Variants in MMRN1 observed in about 807,000 individuals in gnomAD.
The protein encoded by MMRN1 is multimerin-1.
A neutral mutation model predicts 100.7 loss-of-function variants in MMRN1; 94 were observed. The ratio of observed to expected loss-of-function variants is 0.93; its 90% confidence interval spans 0.79 to 1.11. MMRN1 has a LOEUF of 1.11. MMRN1 is among the 50% of genes least tolerant of loss of function. The probability of loss-of-function intolerance (pLI) is 0.00; values close to 1 mark genes in which losing one functional copy is unlikely to be tolerated. For missense variants in MMRN1, 1,606 were observed against 1,439.1 expected, an observed-to-expected ratio of 1.12 and a Z score of -1.88; for synonymous variants, 575 against 505.0, an observed-to-expected ratio of 1.14 and a Z score of -1.86.
At chr4:89,918,589 T>C (rs1372167487) in intron 3 of MMRN1, among the ~76,000 whole-genome samples, 2 of 151,892 alleles carry the variant, frequency 1.3e-5, no homozygotes, top group African/African-American at 4.8e-5. Flanking sequence ...TCTTCTTTAT[T>C]TGATATATAG....
chr4:89,942,100 G>A (rs1237937440), intron 6 of MMRN1, among the ~76,000 whole-genome samples: 1 of 152,074 alleles, frequency 6.6e-6, no homozygotes, highest in Non-Finnish European at 1.5e-5. Context: ...GAACCAAAAT[G>A]TCTAACATTT....
chr4:89,950,388 C>T (rs78736778), intron 6 of MMRN1, among the ~76,000 whole-genome samples: 5 of 152,198 alleles, frequency 3.3e-5, no homozygotes, highest in Non-Finnish European at 7.4e-5. Flanking sequence ...AGTAAATTAA[C>T]CTTTTTAATA....
At chr4:89,923,827 G>T (rs957593987) in intron 4 of MMRN1, among the ~76,000 whole-genome samples, 1 of 152,138 alleles carries the variant, frequency 6.6e-6, no homozygotes, top group Non-Finnish European at 1.5e-5. Flanking sequence ...CAAACATAAG[G>T]TTGGTTACTG....
Position 89,954,315 on chromosome 4 carries a change from A to G in MMRN1, c.*897A>G, listed in dbSNP as rs1206536682. On this transcript the variant is annotated 3_prime_UTR_variant, in exon 8 of 8. Transcript: ENST00000264790. ...AGTGGGCATGATTACCATGATTTTTATAGTTGAAGAACCTAAGACACAGAG... is the reference window on the plus strand; with the variant it reads ...AGTGGGCATGATTACCATGATTTTTGTAGTTGAAGAACCTAAGACACAGAG... 6.6e-6 allele frequency: 1 copy of G among 152,122 alleles called. No individual in the cohort carries two copies. Among genetic ancestry groups the G allele is most frequent in the Non-Finnish European group, 1.5e-5 (1 of 68,030 alleles). 9.4% of individuals were successfully genotyped at this position (152,122 alleles called of 1,614,324 possible).
chr4:89,927,991 TATTC>T (rs753766677), intron 5 of MMRN1, 23 bp downstream of exon 5: 42 of 1,500,506 alleles, frequency 2.8e-5, no homozygotes, highest in Non-Finnish European at 3.5e-5. Context: ...TAAAATAAAA[TATTC>T]ATTCAGTAAC....
intron 1 of MMRN1, among the ~76,000 whole-genome samples, chr4:89,888,076 C>A (rs1255293446): frequency 6.6e-6 from 1 of 151,060 alleles, no homozygotes; most frequent in African/African-American, 2.5e-5. Flanking sequence ...CAATTATCTA[C>A]ATTTTTTAAT....
intron 6 of MMRN1, among the ~76,000 whole-genome samples, chr4:89,948,122 G>A (rs887933607): frequency 6.6e-6 from 1 of 152,184 alleles, no homozygotes; most frequent in African/African-American, 2.4e-5. Flanking sequence ...AAAGTGCTAG[G>A]ATTACAGGCG....
chr4:89,936,579 G>T lies in MMRN1; in HGVS notation c.2899G>T (p.Val967Leu), dbSNP rs751373223. 1.2e-6 allele frequency: 2 copies of T among 1,612,092 alleles called. No homozygotes were observed. The highest frequency in any genetic ancestry group is 1.7e-6 in the Non-Finnish European group (2 of 1,179,304). ...QLLQKGLTEF[V>L]EPIIQIKTQA... ...TCTTCAGAAAGGTCTAACAGAATTTGTGGAACCAATAATTCAAATAAAAAC... is the reference window on the plus strand; with the variant it reads ...TCTTCAGAAAGGTCTAACAGAATTTTTGGAACCAATAATTCAAATAAAAAC... Residue 967 changes from valine to leucine, a missense_variant, in exon 6 of 8, where the codon GTG becomes TTG. By Grantham distance (32) the Val-to-Leu change is conservative. Coordinates refer to ENST00000264790, the MANE Select transcript of MMRN1 (RefSeq NM_007351.3).
chr4:89,933,232 AAT>A (rs1361081164), intron 5 of MMRN1, among the ~76,000 whole-genome samples: 2 of 152,138 alleles, frequency 1.3e-5, no homozygotes, highest in African/African-American at 4.8e-5. Flanking sequence ...TCCAGTTCCC[AAT>A]ATGTTCCTCA....
chr4:89,935,678 A>G lies in MMRN1; in HGVS notation c.1998A>G (p.Glu666=), dbSNP rs974356878. The G allele has an allele frequency of 6.2e-6, 10 of 1,613,228 alleles. No individual in the cohort carries two copies. The highest frequency in any genetic ancestry group is 8.5e-6 in the Non-Finnish European group (10 of 1,179,700). The change falls in exon 6 of 8, where the codon GAA becomes GAG. Residue 666 remains glutamate (E), a synonymous_variant. Coordinates refer to ENST00000264790, the MANE Select transcript of MMRN1 (RefSeq NM_007351.3). ...CACTCAGACAGACAATGACATATGA[A>G]CAACCAAAGGAAGCAATAGTGATAA... ...GASLRQTMTY[E]QPKEAIVIRK...
intron 1 of MMRN1, among the ~76,000 whole-genome samples, chr4:89,882,654 C>A (rs766069321): frequency 6.6e-6 from 1 of 151,766 alleles, no homozygotes; most frequent in African/African-American, 2.4e-5. Flanking sequence ...ATTCAGTAAG[C>A]AAAAGATTGA....
intron 5 of MMRN1, 60 bp from the exon 6 acceptor site, chr4:89,934,750 A>G (rs900672256): frequency 3.1e-6 from 3 of 961,734 alleles, no homozygotes; most frequent in Non-Finnish European, 4.3e-6. Flanking sequence ...TTTATCTTTT[A>G]GAGATGCTTA....
intron 1 of MMRN1, among the ~76,000 whole-genome samples, chr4:89,886,068 TTTAG>T (rs1180397879): frequency 1.1e-4 from 17 of 151,410 alleles, no homozygotes; most frequent in African/African-American, 4.1e-4. Flanking sequence ...TTTTTTGTAT[TTTAG>T]TAGACGTGGG....
chr4:89,892,191 A>G (rs1056923309), upstream of MMRN1, among the ~76,000 whole-genome samples: 1 of 151,820 alleles, frequency 6.6e-6, no homozygotes, highest in Admixed American at 6.6e-5. Context: ...TCTCCTGATA[A>G]CTCATAATAT....
chr4:89,898,948 ACAAT>A (rs1721297602), intron 1 of MMRN1, among the ~76,000 whole-genome samples: 1 of 152,138 alleles, frequency 6.6e-6, no homozygotes, highest in African/African-American at 2.4e-5. Flanking sequence ...TAGCAGGTAC[ACAAT>A]CAATATTTAA....
At chr4:89,942,424 A>G (rs1263361036) in intron 6 of MMRN1, among the ~76,000 whole-genome samples, 1 of 152,190 alleles carries the variant, frequency 6.6e-6, no homozygotes, top group African/African-American at 2.4e-5. Context: ...TACAGATTGT[A>G]AATTTGCTAT....
In MMRN1 at chr4:89,923,266, G is replaced by A. The variant is rs772972478; in HGVS notation, c.949G>A (p.Asp317Asn). 1 of 1,613,484 alleles carries A rather than the reference G, an allele frequency of 6.2e-7. No homozygotes were observed. The highest frequency in any genetic ancestry group is 1.1e-5 in the South Asian group (1 of 91,040). Residue 317 changes from aspartate to asparagine, a missense_variant, in exon 4 of 8, where the codon GAC becomes AAC. By Grantham distance (23) the Asp-to-Asn change is conservative. Coordinates refer to ENST00000264790, the MANE Select transcript of MMRN1 (RefSeq NM_007351.3). ...GCAGCAGCAGCAGCAAGGCTGTGGT[G>A]ACCCAGGTCATAGATTGTAATTACT... ...AEQQQQQGCGDPEVMQKMTDQ... is the reference protein window; with the variant it reads ...AEQQQQQGCGNPEVMQKMTDQ...
chr4:89,887,366 G>T (rs1720961063), intron 1 of MMRN1, among the ~76,000 whole-genome samples: 1 of 152,016 alleles, frequency 6.6e-6, no homozygotes, highest in Non-Finnish European at 1.5e-5. Context: ...AAAGAACAAA[G>T]TTGGAGGAAT....
intron 4 of MMRN1, 137 bp from the exon 5 acceptor site, chr4:89,927,658 A>G (rs980828325): frequency 5.9e-6 from 4 of 677,072 alleles, no homozygotes; most frequent in Middle Eastern, 8.2e-4. Context: ...TTGTTGAAAA[A>G]TAGTGGTGAA....
Sources: gnomAD v4.1 joint callset for allele counts (sites outside exome capture counted in the v4.1 genomes callset) on GRCh38, gnomAD v4.1.1 for gene constraint, MANE v1.5 for transcripts, NCBI Gene and HGNC (gene_info 2026-07-23, HGNC 2026-07-21) for gene names.